HS6ST3: variants seen among roughly 807,000 people sequenced by gnomAD.
The protein encoded by HS6ST3 is heparan sulfate 6-O-sulfotransferase 3.
Under a neutral mutation model 36.7 loss-of-function variants are expected in HS6ST3, and 12 were observed. That is an observed-to-expected ratio of 0.33 (90% CI 0.21 to 0.53). HS6ST3 has a LOEUF of 0.53. HS6ST3 is among the 20% of genes least tolerant of loss of function. The probability of loss-of-function intolerance (pLI) is 0.95; values close to 1 mark genes in which losing one functional copy is unlikely to be tolerated. For synonymous variants in HS6ST3, 240 were observed against 257.5 expected, an observed-to-expected ratio of 0.93 and a Z score of 0.65; for missense variants, 584 against 640.9, an observed-to-expected ratio of 0.91 and a Z score of 0.96.
At chr13:96,360,620 C>A (rs1220900612) in intron 1 of HS6ST3, among the ~76,000 whole-genome samples, 3 of 147,958 alleles carry the variant, frequency 2.0e-5, no homozygotes, top group African/African-American at 7.6e-5. Flanking sequence ...CAGAGACTAC[C>A]CTGACTTATG....
chr13:96,148,549 A>T (rs1245306863), intron 1 of HS6ST3, among the ~76,000 whole-genome samples: 1 of 152,216 alleles, frequency 6.6e-6, no homozygotes, highest in Non-Finnish European at 1.5e-5. Context: ...TAATTAAGAA[A>T]ATGCACTTAA....
intron 1 of HS6ST3, among the ~76,000 whole-genome samples, chr13:96,531,556 C>T (rs1395543157): frequency 6.6e-6 from 1 of 152,184 alleles, no homozygotes; most frequent in Non-Finnish European, 1.5e-5. Flanking sequence ...TTATTGCTCT[C>T]TGGTGCAGGT....
chr13:96,230,447 G>A lies in HS6ST3; in HGVS notation c.707+138878G>A, dbSNP rs116246717. On this transcript the variant is annotated intron_variant, in intron 1 of 1. Coordinates refer to ENST00000376705, the MANE Select transcript of HS6ST3 (RefSeq NM_153456.4). ...GAGTGTTTGGAGATGCTGAATTTGC[G>A]GTTCCAAGTGTAACTATTCAGATCC... Among the ~76,000 whole-genome samples, 306 of 152,228 alleles carry A rather than the reference G, an allele frequency of 2.0e-3. 4 individuals are homozygous for A. The highest frequency in any genetic ancestry group is 6.3e-3 in the African/African-American group (261 of 41,550).
chr13:96,389,987 T>C (rs938990493), intron 1 of HS6ST3, among the ~76,000 whole-genome samples: 1 of 152,160 alleles, frequency 6.6e-6, no homozygotes, highest in Non-Finnish European at 1.5e-5. Flanking sequence ...TTAAACTTGG[T>C]GTGTAATTTC....
At chr13:96,800,431 G>A (rs538171248) in intron 1 of HS6ST3, among the ~76,000 whole-genome samples, 7 of 151,784 alleles carry the variant, frequency 4.6e-5, no homozygotes, top group African/African-American at 4.8e-5. Flanking sequence ...GTTGTTCATC[G>A]GAGCAGTGCA....
At chr13:96,329,977 C>A (rs1281575558) in intron 1 of HS6ST3, among the ~76,000 whole-genome samples, 2 of 151,060 alleles carry the variant, frequency 1.3e-5, no homozygotes, top group Non-Finnish European at 2.9e-5. Flanking sequence ...GGTTTAAAGT[C>A]TGTTTTATCA....
rs1594755515 is a variant in HS6ST3, at chr13:96,331,761, C to T, written c.707+240192C>T. 2.0e-5 allele frequency among the ~76,000 whole-genome samples: 3 copies of T among 152,216 alleles called. No individual in the cohort carries two copies. In the South Asian group the frequency reaches 6.2e-4, roughly 32 times the overall value. ...TTACCTAAGCAAGCCTGGGCAATGGCGGGCGCCCCTCCCCCAGCCTCGCTG... is the reference window on the plus strand; with the variant it reads ...TTACCTAAGCAAGCCTGGGCAATGGTGGGCGCCCCTCCCCCAGCCTCGCTG... On this transcript the variant is annotated intron_variant, in intron 1 of 1. Transcript: ENST00000376705.
At chr13:96,583,903 T>A (rs775204433) in intron 1 of HS6ST3, among the ~76,000 whole-genome samples, 4 of 152,212 alleles carry the variant, frequency 2.6e-5, no homozygotes, top group Non-Finnish European at 4.4e-5. Context: ...CATTGTAAGA[T>A]GCTTAGCATC....
intron 1 of HS6ST3, among the ~76,000 whole-genome samples, chr13:96,287,828 C>A (rs551268119): frequency 6.7e-6 from 1 of 149,170 alleles, no homozygotes; most frequent in African/African-American, 2.6e-5. Flanking sequence ...TAGCAACTAA[C>A]ATTTAGTTGC....
chr13:96,429,014 T>G (rs1282041566), intron 1 of HS6ST3, among the ~76,000 whole-genome samples: 1 of 152,186 alleles, frequency 6.6e-6, no homozygotes, highest in Non-Finnish European at 1.5e-5. Context: ...AAACTCAACG[T>G]GCTATGGTGA....
chr13:96,211,285 T>A (rs934401667), intron 1 of HS6ST3, among the ~76,000 whole-genome samples: 8 of 152,186 alleles, frequency 5.3e-5, no homozygotes, highest in African/African-American at 2.4e-5. Flanking sequence ...GAGATAAACT[T>A]CCAGCCATGG....
At chr13:96,779,182 TA>T (rs1295129498) in intron 1 of HS6ST3, among the ~76,000 whole-genome samples, 2 of 151,696 alleles carry the variant, frequency 1.3e-5, no homozygotes, top group East Asian at 3.9e-4. Flanking sequence ...AGTGGGGGGC[TA>T]GGGGAGGGAT....
intron 1 of HS6ST3, among the ~76,000 whole-genome samples, chr13:96,260,741 G>T (rs1360782018): frequency 1.3e-5 from 2 of 151,764 alleles, no homozygotes; most frequent in East Asian, 3.9e-4. Flanking sequence ...CCAGGTTCAA[G>T]TGATTCTCCT....
chr13:96,111,258 A>G (rs936372430), intron 1 of HS6ST3, among the ~76,000 whole-genome samples: 4 of 152,224 alleles, frequency 2.6e-5, no homozygotes, highest in African/African-American at 7.2e-5. Context: ...TTCAATTATC[A>G]TATAGCTTAA....
At chr13:96,565,289 T>C (rs1293633876) in intron 1 of HS6ST3, among the ~76,000 whole-genome samples, 1 of 152,018 alleles carries the variant, frequency 6.6e-6, no homozygotes, top group African/African-American at 2.4e-5. Flanking sequence ...TTTAAACTTA[T>C]ATAAAGTAAC....
At chr13:96,666,088 T>C (rs2056663399) in intron 1 of HS6ST3, among the ~76,000 whole-genome samples, 1 of 152,136 alleles carries the variant, frequency 6.6e-6, no homozygotes, top group Admixed American at 6.6e-5. Flanking sequence ...CTGGGGAAGC[T>C]CAAGAAACTT....
chr13:96,493,155 A>G (rs1594793002), intron 1 of HS6ST3, among the ~76,000 whole-genome samples: 1 of 152,144 alleles, frequency 6.6e-6, no homozygotes, highest in East Asian at 1.9e-4. Context: ...CTGAAGACAT[A>G]CACCTAGAGG....
intron 1 of HS6ST3, among the ~76,000 whole-genome samples, chr13:96,127,094 T>TG: frequency 6.6e-6 from 1 of 152,300 alleles, no homozygotes; most frequent in African/African-American, 2.4e-5. Context: ...ATGGACTGAA[T>TG]GTTTATGTCC....
At chr13:96,604,473 A>G (rs1213187592) in intron 1 of HS6ST3, among the ~76,000 whole-genome samples, 1 of 152,152 alleles carries the variant, frequency 6.6e-6, no homozygotes, top group African/African-American at 2.4e-5. Context: ...GTATATCTTT[A>G]TTTTATCAGA....
Sources: gnomAD v4.1 joint callset for allele counts (sites outside exome capture counted in the v4.1 genomes callset) on GRCh38, gnomAD v4.1.1 for gene constraint, MANE v1.5 for transcripts, NCBI Gene and HGNC (gene_info 2026-07-23, HGNC 2026-07-21) for gene names.